The following RALA variants were observed in gnomAD, a reference collection of about 807,000 sequenced individuals.
The protein encoded by RALA is ras-related protein Ral-A.
RALA carries 5 observed loss-of-function variants against 24.0 expected under a neutral mutation model. The observed-to-expected ratio is 0.21, with a 90% CI of 0.11 to 0.44. The LOEUF (loss-of-function observed/expected upper bound fraction) is 0.44, where lower values mean the gene tolerates loss of function less well. Ranked by LOEUF, RALA falls within the 20% of genes least tolerant of loss-of-function variation. The probability of loss-of-function intolerance (pLI) is 0.99; values close to 1 mark genes in which losing one functional copy is unlikely to be tolerated. For missense variants in RALA, 95 were observed against 241.2 expected (o/e 0.39, Z 4.01); for synonymous variants, 77 against 83.8 (o/e 0.92, Z 0.44).
At chr7:39,699,121 A>ATTTTTT (rs71560137) in intron 4 of RALA, among the ~76,000 whole-genome samples, 1,239 of 61,372 alleles carry the variant, frequency 0.02, 195 homozygotes, top group Non-Finnish European at 0.032. Flanking sequence ...TAAAAATGTT[A>ATTTTTT]TTTTTTTTTT....
At chr7:39,690,028 A>G (rs1792787962) in intron 2 of RALA, among the ~76,000 whole-genome samples, 1 of 152,198 alleles carries the variant, frequency 6.6e-6, no homozygotes, top group African/African-American at 2.4e-5. Context: ...TTATTTCCAC[A>G]GTTCTAGCAT....
rs1793144240 is a variant in RALA at position 39,707,718 on chromosome 7, A to G, written c.*1473A>G. ...AAGATGTGTTCAGGCATTCCAGGTA[A>G]CAGGTGTGTATGTAAAGTTAAAAAT... On this transcript the variant is annotated 3_prime_UTR_variant, in exon 5 of 5. Coordinates refer to ENST00000005257, the MANE Select transcript of RALA (RefSeq NM_005402.4). 6.6e-6 allele frequency: 1 copy of G among 152,628 alleles called. No homozygotes were observed. Among genetic ancestry groups the G allele is most frequent in the Non-Finnish European group, 1.5e-5 (1 of 68,038 alleles). 9.5% of individuals were successfully genotyped at this position (152,628 alleles called of 1,614,324 possible). A position where few individuals can be genotyped will look rare whatever the true frequency, so the allele number is the denominator to read the frequency against.
chr7:39,692,632 C>A (rs559924405), intron 3 of RALA, among the ~76,000 whole-genome samples: 1 of 152,302 alleles, frequency 6.6e-6, no homozygotes, highest in African/African-American at 2.4e-5. Context: ...ATAACATCTT[C>A]TCACCTCGGA....
chr7:39,636,300 C>A (rs943923240), intron 1 of RALA, among the ~76,000 whole-genome samples: 2 of 152,328 alleles, frequency 1.3e-5, no homozygotes, highest in Non-Finnish European at 2.9e-5. Flanking sequence ...TCTAAAGCAG[C>A]TGCACCATTT....
rs1447666643 is a variant in RALA, at chr7:39,655,232, TG to T, written c.-37-31397del. Among the ~76,000 whole-genome samples, 15 of 152,278 alleles carry T rather than the reference TG, an allele frequency of 9.9e-5. No individual in the cohort carries two copies. In the South Asian group the frequency reaches 1.9e-3, roughly 19 times the overall value. On this transcript the variant is annotated intron_variant, in intron 1 of 4. Coordinates refer to ENST00000005257, the MANE Select transcript of RALA (RefSeq NM_005402.4). ...AACAAATTGTAAGATATCCATACCA[TG>T]GAATACTACTCAGCAATAAAAGGGA...
chr7:39,692,066 C>T (rs1373442399), intron 3 of RALA, among the ~76,000 whole-genome samples: 2 of 152,138 alleles, frequency 1.3e-5, no homozygotes, highest in Non-Finnish European at 2.9e-5. Context: ...ATAAAAATGA[C>T]CCTAGTGACT....
chr7:39,647,108 T>A (rs1562610612), intron 1 of RALA, among the ~76,000 whole-genome samples: 1 of 152,148 alleles, frequency 6.6e-6, no homozygotes, highest in Non-Finnish European at 1.5e-5. Flanking sequence ...AGTGGCACAG[T>A]CATGGCTCTT....
intron 1 of RALA, among the ~76,000 whole-genome samples, chr7:39,642,575 A>G (rs2115946049): frequency 6.6e-6 from 1 of 152,104 alleles, no homozygotes; most frequent in Admixed American, 6.5e-5. Flanking sequence ...TTTCCTTCAC[A>G]CTCTTTACAA....
intron 1 of RALA, among the ~76,000 whole-genome samples, chr7:39,652,770 T>C (rs559403390): frequency 6.6e-6 from 1 of 151,876 alleles, no homozygotes; most frequent in African/African-American, 2.4e-5. Flanking sequence ...ATTAATTAAT[T>C]TTATTATTAT....
intron 1 of RALA, among the ~76,000 whole-genome samples, chr7:39,633,402 A>G (rs1419252308): frequency 6.6e-6 from 1 of 152,236 alleles, no homozygotes. Context: ...AAGGGGAGAG[A>G]GAGAATGAGA....
At chr7:39,685,835 A>G (rs911896398) in intron 1 of RALA, among the ~76,000 whole-genome samples, 5 of 152,108 alleles carry the variant, frequency 3.3e-5, no homozygotes, top group South Asian at 2.1e-4. Context: ...AAGCATTTCA[A>G]TGAGGTCCTT....
chr7:39,703,821 C>T (rs1182008469), intron 4 of RALA, among the ~76,000 whole-genome samples: 2 of 152,134 alleles, frequency 1.3e-5, no homozygotes, highest in African/African-American at 4.8e-5. Context: ...TCCTCCCTTG[C>T]ATTAATAAAA....
intron 2 of RALA, 85 bp from the exon 3 acceptor site, chr7:39,690,297 G>T (rs1583752548): frequency 8.6e-7 from 1 of 1,165,522 alleles, no homozygotes; most frequent in Non-Finnish European, 1.2e-6. Context: ...TACTATTTTG[G>T]CAGCTTCACA....
chr7:39,699,435 C>T (rs559797879), intron 4 of RALA, among the ~76,000 whole-genome samples: 22 of 152,242 alleles, frequency 1.4e-4, no homozygotes, highest in Non-Finnish European at 2.8e-4. Context: ...CCACCACGCC[C>T]GGCCTAAAAA....
At chr7:39,645,996 C>G (rs1054182760) in intron 1 of RALA, among the ~76,000 whole-genome samples, 6 of 152,232 alleles carry the variant, frequency 3.9e-5, no homozygotes, top group African/African-American at 1.4e-4. Flanking sequence ...TAAGATTTGC[C>G]TTTAGACAGA....
intron 1 of RALA, among the ~76,000 whole-genome samples, chr7:39,643,494 G>A (rs1562609534): frequency 6.6e-6 from 1 of 152,194 alleles, no homozygotes; most frequent in Non-Finnish European, 1.5e-5. Flanking sequence ...GCTGAGGCAG[G>A]CGGATCACTT....
intron 1 of RALA, among the ~76,000 whole-genome samples, chr7:39,634,234 C>G (rs1191353304): frequency 2.7e-5 from 4 of 148,544 alleles, no homozygotes; most frequent in African/African-American, 1.1e-4. Flanking sequence ...CCCTCACTCA[C>G]CTTGGTCCAT....
intron 1 of RALA, among the ~76,000 whole-genome samples, chr7:39,669,450 TAA>T (rs904417202): frequency 1.3e-5 from 2 of 152,198 alleles, no homozygotes; most frequent in African/African-American, 4.8e-5. Context: ...AAACATGTGT[TAA>T]AGAGTGGGAT....
At chr7:39,678,176 TA>T (rs1400952114) in intron 1 of RALA, among the ~76,000 whole-genome samples, 1 of 150,446 alleles carries the variant, frequency 6.6e-6, no homozygotes, top group Admixed American at 6.6e-5. Flanking sequence ...ACATGTACCC[TA>T]AAACTTAAAG....
Sources: gnomAD v4.1 joint callset for allele counts (sites outside exome capture counted in the v4.1 genomes callset) on GRCh38, gnomAD v4.1.1 for gene constraint, MANE v1.5 for transcripts, NCBI Gene and HGNC (gene_info 2026-07-23, HGNC 2026-07-21) for gene names.